The following ZSCAN25 variants were observed in gnomAD, a reference collection of about 807,000 sequenced individuals.
The protein encoded by ZSCAN25 is zinc finger and SCAN domain-containing protein 25.
Under a neutral mutation model 38.7 loss-of-function variants are expected in ZSCAN25, and 27 were observed. That is an observed-to-expected ratio of 0.70 (90% CI 0.51 to 0.96). ZSCAN25 has a LOEUF of 0.96. ZSCAN25 is among the 40% of genes least tolerant of loss of function. ZSCAN25 has a pLI of 0.00. For missense variants in ZSCAN25, 637 were observed against 705.9 expected, an observed-to-expected ratio of 0.90 and a Z score of 1.11; for synonymous variants, 273 against 277.7, an observed-to-expected ratio of 0.98 and a Z score of 0.17.
the ZSCAN25 span, among the ~76,000 whole-genome samples, chr7:99,688,932 A>C: frequency 1.3e-5 from 2 of 152,364 alleles, no homozygotes; most frequent in African/African-American, 4.8e-5. Flanking sequence ...CTACATAACA[A>C]AATGAAGGCA....
At chr7:99,649,235 G>A in the ZSCAN25 span, among the ~76,000 whole-genome samples, 1 of 152,178 alleles carries the variant, frequency 6.6e-6, no homozygotes, top group East Asian at 1.9e-4. Flanking sequence ...ACATAGGAAA[G>A]CTACACAGCT....
the ZSCAN25 span, among the ~76,000 whole-genome samples, chr7:99,654,614 G>C: frequency 6.6e-6 from 1 of 152,176 alleles, no homozygotes; most frequent in Admixed American, 6.5e-5. Context: ...GGATGGCTGG[G>C]TCAAATGGTA....
the ZSCAN25 span, among the ~76,000 whole-genome samples, chr7:99,689,756 C>G: frequency 6.6e-6 from 1 of 152,138 alleles, no homozygotes; most frequent in African/African-American, 2.4e-5. Context: ...TGTGAAGGAC[C>G]TCTTCAAGGA....
At chr7:99,695,895 G>T in the ZSCAN25 span, 1 of 1,496,268 alleles carries the variant, frequency 6.7e-7, no homozygotes, top group Non-Finnish European at 9.2e-7. Context: ...AGATATGGGG[G>T]CTGGTAAGTC....
chr7:99,660,607 G>A, the ZSCAN25 span: 1 of 1,613,976 alleles, frequency 6.2e-7, no homozygotes, highest in Admixed American at 1.7e-5. Context: ...TGGTTTCATA[G>A]CCAGCAAAAA....
the ZSCAN25 span, chr7:99,660,596 G>A: frequency 6.2e-6 from 10 of 1,614,012 alleles, no homozygotes; most frequent in South Asian, 1.1e-5. Context: ...AACACTGCTG[G>A]TGGTTTCATA....
At position 99,622,286 on chromosome 7, in the gene ZSCAN25, G is replaced by A. The variant is rs1807046304; in HGVS notation, c.590-263G>A. The A allele has an allele frequency of 1.6e-5, 8 of 502,288 alleles. No homozygotes were observed. The South Asian group carries it at 1.9e-4, about 12-fold the overall frequency. The allele number at this position is 502,288 out of a possible 1,614,324, so 31.1% of individuals were successfully genotyped here. On this transcript the variant is annotated intron_variant, in intron 5 of 7. Coordinates refer to ENST00000394152, the MANE Select transcript of ZSCAN25 (RefSeq NM_145115.3). ...GTTATTCCCAGAGTGTGACTGGGTA[G>A]CATGGGTAGCCCTGGACGGACAGGG...
the ZSCAN25 span, chr7:99,715,698 C>T: frequency 6.2e-7 from 1 of 1,611,808 alleles, no homozygotes; most frequent in Middle Eastern, 1.7e-4. Flanking sequence ...TGATTTACAT[C>T]TCAATAAAGC....
chr7:99,664,475 A>G, the ZSCAN25 span, among the ~76,000 whole-genome samples: 1 of 152,248 alleles, frequency 6.6e-6, no homozygotes, highest in South Asian at 2.1e-4. Flanking sequence ...TTAACACAGC[A>G]TATGTACATC....
the ZSCAN25 span, chr7:99,705,613 G>A: frequency 2.5e-6 from 4 of 1,611,978 alleles, no homozygotes; most frequent in Non-Finnish European, 3.4e-6. Context: ...AGTTAAACGA[G>A]CATATTGAGA....
At chr7:99,636,053 A>G (rs1584381326), downstream of ZSCAN25, among the ~76,000 whole-genome samples, 1 of 148,472 alleles carries the variant, frequency 6.7e-6, no homozygotes, top group East Asian at 1.9e-4. Flanking sequence ...TCTCAAAAAA[A>G]AAAAAAAAAA....
At chr7:99,638,916 G>T in the ZSCAN25 span, 1 of 528,702 alleles carries the variant, frequency 1.9e-6, no homozygotes, top group South Asian at 2.3e-5. Flanking sequence ...CAGGCCTGTC[G>T]CTCACTCGGG....
the ZSCAN25 span, among the ~76,000 whole-genome samples, chr7:99,688,104 A>C: frequency 6.6e-6 from 1 of 152,184 alleles, no homozygotes; most frequent in Non-Finnish European, 1.5e-5. Flanking sequence ...TAGGAAAAAA[A>C]TGCATCAACT....
At chr7:99,712,448 A>G in the ZSCAN25 span, among the ~76,000 whole-genome samples, 51 of 152,344 alleles carry the variant, frequency 3.3e-4, no homozygotes, top group African/African-American at 1.2e-3. Flanking sequence ...TTATTCAATT[A>G]AACTTAAATA....
At chr7:99,715,862 A>C in the ZSCAN25 span, 1 of 1,613,922 alleles carries the variant, frequency 6.2e-7, no homozygotes, top group Non-Finnish European at 8.5e-7. Context: ...GCTCACTCCA[A>C]ATGATGTGCT....
chr7:99,702,407 T>C, the ZSCAN25 span, among the ~76,000 whole-genome samples: 2 of 152,190 alleles, frequency 1.3e-5, no homozygotes, highest in African/African-American at 4.8e-5. Flanking sequence ...CAGTCTTTCA[T>C]CCACCTTGAT....
At position 99,631,614 on chromosome 7, in the gene ZSCAN25, TG is replaced by T; in HGVS notation, c.*1595del. 1 of 985,296 alleles carries T rather than the reference TG, an allele frequency of 1.0e-6. No homozygotes were observed. The highest frequency in any genetic ancestry group is 1.2e-6 in the Non-Finnish European group (1 of 829,924). The allele number at this position is 985,296 out of a possible 1,614,324, so 61.0% of individuals were successfully genotyped here. A position where few individuals can be genotyped will look rare whatever the true frequency, so the allele number is the denominator to read the frequency against. ...GCCTCTTAATACCAGATTCTTTTACTGAGATTTTTTTTTTTCATTTTCCATT... is the reference window on the plus strand; with the variant it reads ...GCCTCTTAATACCAGATTCTTTTACTAGATTTTTTTTTTTCATTTTCCATT... On this transcript the variant is annotated 3_prime_UTR_variant, in exon 8 of 8. Transcript: ENST00000394152.
downstream of ZSCAN25, among the ~76,000 whole-genome samples, chr7:99,635,170 T>C (rs1398640583): frequency 6.6e-6 from 1 of 151,396 alleles, no homozygotes. Context: ...TTTTTTTCAC[T>C]GTGTAATTCC....
At chr7:99,724,915 C>A in the ZSCAN25 span, among the ~76,000 whole-genome samples, 105 of 152,270 alleles carry the variant, frequency 6.9e-4, no homozygotes, top group South Asian at 2.9e-3. Context: ...CCTCCCCCCT[C>A]TCCCCAGATG....
Sources: gnomAD v4.1 joint callset for allele counts (sites outside exome capture counted in the v4.1 genomes callset) on GRCh38, gnomAD v4.1.1 for gene constraint, MANE v1.5 for transcripts, NCBI Gene and HGNC (gene_info 2026-07-23, HGNC 2026-07-21) for gene names.